Variants in DPP9 observed in about 807,000 individuals in gnomAD.
The protein encoded by DPP9 is dipeptidyl peptidase 9.
DPP9 carries 50 observed loss-of-function variants against 110.7 expected under a neutral mutation model. The observed-to-expected ratio is 0.45, with a 90% CI of 0.36 to 0.57. The LOEUF (loss-of-function observed/expected upper bound fraction) is 0.57, where lower values mean the gene tolerates loss of function less well. DPP9 is among the 20% of genes least tolerant of loss of function. The probability of loss-of-function intolerance (pLI) is 0.00; values close to 1 mark genes in which losing one functional copy is unlikely to be tolerated. For synonymous variants in DPP9, 561 were observed against 514.4 expected (o/e 1.09, Z -1.23); for missense variants, 1,022 against 1,217.9 (o/e 0.84, Z 2.39).
rs1490224246 is a variant in DPP9, at chr19:4,693,430, C to T, written c.1516+1231G>A. 1.3e-5 allele frequency among the ~76,000 whole-genome samples: 2 copies of T among 152,140 alleles called. No homozygotes were observed. The highest frequency in any genetic ancestry group is 2.9e-5 in the Non-Finnish European group (2 of 68,000). ...CATACAGCATCTCCACTACCGGGCA[C>T]CTCAACTTGAACACATCCAAACCCG... On this transcript the variant is annotated intron_variant, in intron 13 of 21. Transcript: ENST00000262960. This position sits in a 1 kb window ranked among gnomAD's most constrained non-coding sequence, Gnocchi z 5.0.
In DPP9 at chr19:4,685,678, A is replaced by G. The variant is rs761742884; in HGVS notation, c.1979T>C (p.Leu660Ser). Reference protein sequence around the residue: ...LYGMIYKPHALQPGKKHPTVL... With the variant: ...LYGMIYKPHASQPGKKHPTVL... ...GGTGGGGTGCTTCTTCCCTGGCTGC[A>G]AGGCGTGGGGCTTGTAGATCATGCC... The change falls in exon 17 of 22, where the codon TTG becomes TCG. Residue 660 changes from leucine to serine, a missense_variant. By Grantham distance (145) the Leu-to-Ser change is moderately radical. Around this residue, in one of 3 missense-constraint regions of DPP9, gnomAD observed 810 missense variants for 920.6 expected, o/e 0.88. Coordinates refer to ENST00000262960, the MANE Select transcript of DPP9 (RefSeq NM_139159.5). This position sits in a 1 kb window ranked among gnomAD's most constrained non-coding sequence, Gnocchi z 5.8. The G allele has an allele frequency of 1.9e-6, 3 of 1,613,020 alleles. No individual in the cohort carries two copies. The African/African-American group carries it at 4.0e-5, about 22-fold the overall frequency.
intron 3 of DPP9, among the ~76,000 whole-genome samples, chr19:4,714,948 T>C (rs1470263804): frequency 6.6e-6 from 1 of 151,126 alleles, no homozygotes; most frequent in African/African-American, 2.4e-5. Context: ...TTGCACATGC[T>C]GGCCCTCCTG....
intron 4 of DPP9, among the ~76,000 whole-genome samples, chr19:4,713,082 GTGGCTGCTCC>G (rs770795493): frequency 6.6e-6 from 1 of 152,248 alleles, no homozygotes; most frequent in Non-Finnish European, 1.5e-5. Context: ...CCACTGGGAT[GTGGCTGCTCC>G]TGGCATGGAG....
At position 4,713,815 on chromosome 19, in the gene DPP9, G is replaced by A. The variant is rs553410435; in HGVS notation, c.313+266C>T. The stretch of plus-strand genomic sequence containing the variant: ...GAGCCACAGGGCCGGCTTGAGCCAC[G>A]GCATCCTGGCCACATGGAGGAGCGG... On this transcript the variant is annotated intron_variant, in intron 4 of 21. Transcript: ENST00000262960. Among the ~76,000 whole-genome samples, 56 of 152,280 alleles carry A rather than the reference G, an allele frequency of 3.7e-4. 1 individual carries two copies. The Middle Eastern group carries it at 0.01, about 28-fold the overall frequency.
rs971394246 is a variant in DPP9, at chr19:4,695,911, T to C, written c.1176-356A>G. ...TTATTTTATTTATTTATTTCTTTAT[T>C]TAATTTTTTGAGACAGAGTTTCACT... On this transcript the variant is annotated intron_variant, in intron 11 of 21. Transcript: ENST00000262960. This position sits in a 1 kb window ranked among gnomAD's most constrained non-coding sequence, Gnocchi z 4.7. Among the ~76,000 whole-genome samples, 3 of 152,324 alleles carry C rather than the reference T, an allele frequency of 2.0e-5. No homozygotes were observed. The East Asian group carries it at 5.8e-4, about 29-fold the overall frequency.
intron 14 of DPP9, 60 bp downstream of exon 14, chr19:4,690,818 T>G: frequency 7.7e-7 from 1 of 1,304,214 alleles, no homozygotes; most frequent in Non-Finnish European, 1.1e-6. Flanking sequence ...TGTGTGTGAG[T>G]GTATGTGTGT....
At position 4,689,468 on chromosome 19, in the gene DPP9, C is replaced by T; in HGVS notation, c.1749+102G>A. 7.1e-7 allele frequency: 1 copy of T among 1,413,762 alleles called. No homozygotes were observed. The allele number at this position is 1,413,762 out of a possible 1,614,324, so 87.6% of individuals were successfully genotyped here. A position where few individuals can be genotyped will look rare whatever the true frequency, so the allele number is the denominator to read the frequency against. ...CAAGGCAGCTATGAGAATGCGAGAC[C>T]ATGAGAATGACCCTGAGTGCTGTGC... On this transcript the variant is annotated intron_variant, in intron 15 of 21. Coordinates refer to ENST00000262960, the MANE Select transcript of DPP9 (RefSeq NM_139159.5). The surrounding 1 kb of genome is among the most constrained non-coding windows in gnomAD (Gnocchi z 7.0).
intron 9 of DPP9, among the ~76,000 whole-genome samples, chr19:4,701,160 T>C (rs1009978573): frequency 2.0e-5 from 3 of 152,150 alleles, no homozygotes; most frequent in South Asian, 2.1e-4. Flanking sequence ...TTTTAAATAA[T>C]TGGAAAGATG....
chr19:4,700,145 C>A lies in DPP9; in HGVS notation c.1074+71G>T. 2.3e-6 allele frequency: 3 copies of A among 1,297,072 alleles called. No homozygotes were observed. The highest frequency in any genetic ancestry group is 2.4e-5 in the Admixed American group (1 of 42,334). The allele number at this position is 1,297,072 out of a possible 1,614,324, so 80.3% of individuals were successfully genotyped here. A position where few individuals can be genotyped will look rare whatever the true frequency, so the allele number is the denominator to read the frequency against. ...GAGGGAGGTGAGTGACCTGCCCATC[C>A]ACCCAGCTGCCTACCCGGCCCTTCC... On this transcript the variant is annotated intron_variant, in intron 10 of 21. Transcript: ENST00000262960. This position sits in a 1 kb window ranked among gnomAD's most constrained non-coding sequence, Gnocchi z 4.3.
chr19:4,676,430 C>G lies in DPP9; in HGVS notation c.*134G>C. 4 of 740,276 alleles carry G rather than the reference C, an allele frequency of 5.4e-6. No homozygotes were observed. In the South Asian group the frequency reaches 6.4e-5, roughly 12 times the overall value. The allele number at this position is 740,276 out of a possible 1,614,324, so 45.9% of individuals were successfully genotyped here. A position where few individuals can be genotyped will look rare whatever the true frequency, so the allele number is the denominator to read the frequency against. On this transcript the variant is annotated 3_prime_UTR_variant, in exon 22 of 22. Coordinates refer to ENST00000262960, the MANE Select transcript of DPP9 (RefSeq NM_139159.5). This position sits in a 1 kb window ranked among gnomAD's most constrained non-coding sequence, Gnocchi z 4.0. ...CGTCGGGGCGGTGAAGGCAGCGGCTCCTCGGGGCTGGCCAGCGCTGGGCGG... is the reference window on the plus strand; with the variant it reads ...CGTCGGGGCGGTGAAGGCAGCGGCTGCTCGGGGCTGGCCAGCGCTGGGCGG...
Position 4,684,095 on chromosome 19 carries a change from C to T in DPP9, c.2179-466G>A, listed in dbSNP as rs1321608988. The T allele has an allele frequency of 8.9e-6, 3 of 335,662 alleles. No homozygotes were observed. Among genetic ancestry groups the T allele is most frequent in the Admixed American group, 3.9e-5 (1 of 25,598 alleles). The allele number at this position is 335,662 out of a possible 1,614,324, so 20.8% of individuals were successfully genotyped here. On this transcript the variant is annotated intron_variant, in intron 18 of 21. Coordinates refer to ENST00000262960, the MANE Select transcript of DPP9 (RefSeq NM_139159.5). This position sits in a 1 kb window ranked among gnomAD's most constrained non-coding sequence, Gnocchi z 4.8. Reference sequence around the variant, plus strand: ...GAAGTCCGTGCTGAGATCACTACTGCGGCCTTCAAGCGACTGATCCATGGG... The same window carrying T: ...GAAGTCCGTGCTGAGATCACTACTGTGGCCTTCAAGCGACTGATCCATGGG...
In DPP9 at chr19:4,695,028, G is replaced by T; in HGVS notation, c.1354-205C>A. 1 of 620,386 alleles carries T rather than the reference G, an allele frequency of 1.6e-6. No individual in the cohort carries two copies. The highest frequency in any genetic ancestry group is 2.8e-6 in the Non-Finnish European group (1 of 357,178). 38.4% of individuals were successfully genotyped at this position (620,386 alleles called of 1,614,324 possible). ...TAGCCAGGCATGGTGGTGCAGGCTT[G>T]TGGTCCTAGCTACTCTGGAGGCTGA... On this transcript the variant is annotated intron_variant, in intron 12 of 21. Transcript: ENST00000262960. This position sits in a 1 kb window ranked among gnomAD's most constrained non-coding sequence, Gnocchi z 4.7.
chr19:4,693,393 C>T lies in DPP9; in HGVS notation c.1516+1268G>A, dbSNP rs773105197. On this transcript the variant is annotated intron_variant, in intron 13 of 21. Transcript: ENST00000262960. This position sits in a 1 kb window ranked among gnomAD's most constrained non-coding sequence, Gnocchi z 5.0. ...GTCTCGGTTCCCTGAGCTCCAGGCA[C>T]GGGAACTGGCCCATACAGCATCTCC... Among the ~76,000 whole-genome samples the T allele has an allele frequency of 1.3e-5, 2 of 152,126 alleles. No homozygotes were observed. Among genetic ancestry groups the T allele is most frequent in the African/African-American group, 4.8e-5 (2 of 41,434 alleles).
chr19:4,682,860 TG>T lies in DPP9; in HGVS notation c.2332-23del. 1 of 1,569,612 alleles carries T rather than the reference TG, an allele frequency of 6.4e-7. No individual in the cohort carries two copies. Among genetic ancestry groups the T allele is most frequent in the South Asian group, 1.2e-5 (1 of 85,624 alleles). On this transcript the variant is annotated intron_variant, in intron 19 of 21. Transcript: ENST00000262960. The surrounding 1 kb of genome is among the most constrained non-coding windows in gnomAD (Gnocchi z 7.1). Reference sequence around the variant, plus strand: ...CCACCTGAGGGACACAGCAGACAGATGGGGGCAGAGAGAGAGAGAGAAACAG... The same window carrying T: ...CCACCTGAGGGACACAGCAGACAGATGGGGCAGAGAGAGAGAGAGAAACAG...
At position 4,714,342 on chromosome 19, in the gene DPP9, G is replaced by A. The variant is rs553179906; in HGVS notation, c.57-5C>T. 159 of 1,489,062 alleles carry A rather than the reference G, an allele frequency of 1.1e-4. No individual in the cohort carries two copies. Among genetic ancestry groups the A allele is most frequent in the Middle Eastern group, 1.7e-4 (1 of 5,718 alleles). 92.2% of individuals were successfully genotyped at this position (1,489,062 alleles called of 1,614,324 possible). ...CCCTCGGAATTCAGCGAGAAGCTGC[G>A]GGGAGGAAGCAAAGACTATGAGAAA... On this transcript the variant is annotated splice_polypyrimidine_tract_variant and splice_region_variant and intron_variant, in intron 3 of 21. Coordinates refer to ENST00000262960, the MANE Select transcript of DPP9 (RefSeq NM_139159.5).
chr19:4,723,261 T>G (rs76734869), intron 1 of DPP9, among the ~76,000 whole-genome samples: 7,053 of 151,810 alleles, frequency 0.046, 201 homozygotes, highest in Middle Eastern at 0.071. Flanking sequence ...TATACAGCAT[T>G]TGCATGGGGA....
At chr19:4,681,040 G>C (rs961190699) in intron 20 of DPP9, among the ~76,000 whole-genome samples, 1 of 152,190 alleles carries the variant, frequency 6.6e-6, no homozygotes, top group Non-Finnish European at 1.5e-5. Context: ...CCAACACGCA[G>C]CCTCACCAGA....
Position 4,685,249 on chromosome 19 carries a change from G to A in DPP9, c.2031+377C>T, listed in dbSNP as rs1419912908. The A allele has an allele frequency of 1.9e-5, 10 of 521,916 alleles. No homozygotes were observed. The highest frequency in any genetic ancestry group is 7.6e-5 in the African/African-American group (4 of 52,638). 32.3% of individuals were successfully genotyped at this position (521,916 alleles called of 1,614,324 possible). On this transcript the variant is annotated intron_variant, in intron 17 of 21. Coordinates refer to ENST00000262960, the MANE Select transcript of DPP9 (RefSeq NM_139159.5). This position sits in a 1 kb window ranked among gnomAD's most constrained non-coding sequence, Gnocchi z 5.8. ...CAGAGCTGCTCTGGGTAAGATGTGC[G>A]CCTAAGATGGTCCAACTGCCAATCT...
At chr19:4,683,042 G>A in intron 19 of DPP9, 4 of 1,512,318 alleles carry the variant, frequency 2.6e-6, no homozygotes, top group Non-Finnish European at 3.5e-6. Context: ...GGCGCCACAG[G>A]CGGGCAGGTG....
Sources: gnomAD v4.1 joint callset for allele counts (sites outside exome capture counted in the v4.1 genomes callset) on GRCh38, gnomAD v4.1.1 for gene constraint, gnomAD v4.1.1 regional missense constraint, Gnocchi (gnomAD v3.1) non-coding constraint, MANE v1.5 for transcripts, NCBI Gene and HGNC (gene_info 2026-07-23, HGNC 2026-07-21) for gene names.